HK1: variants seen among roughly 807,000 people sequenced by gnomAD.
HK1 encodes hexokinase-1.
HK1 carries 28 observed loss-of-function variants against 91.6 expected under a neutral mutation model. The observed-to-expected ratio is 0.31, with a 90% CI of 0.23 to 0.42. The LOEUF is 0.42. HK1 is among the 10% of genes least tolerant of loss of function. The pLI, the probability that HK1 is intolerant of heterozygous loss-of-function variation, is 1.00. For synonymous variants in HK1, 430 were observed against 468.1 expected (o/e 0.92, Z 1.05); for missense variants, 770 against 1,219.8 (o/e 0.63, Z 5.49).
upstream of HK1, among the ~76,000 whole-genome samples, chr10:69,312,387 C>T (rs150884464): frequency 4.6e-5 from 7 of 152,234 alleles, no homozygotes; most frequent in African/African-American, 1.7e-4. Context: ...CAGGCTTGCA[C>T]CACCACGCCC....
At chr10:69,348,304 T>G (rs923477770) in intron 2 of HK1, among the ~76,000 whole-genome samples, 10 of 151,824 alleles carry the variant, frequency 6.6e-5, no homozygotes, top group African/African-American at 2.4e-4. Context: ...GCCCTAAATA[T>G]TCATACTACT....
At chr10:69,350,437 C>T (rs1358994970) in intron 2 of HK1, among the ~76,000 whole-genome samples, 5 of 152,054 alleles carry the variant, frequency 3.3e-5, no homozygotes, top group African/African-American at 9.7e-5. Flanking sequence ...CCGAGGTGGG[C>T]GGATCACAAG....
At chr10:69,348,539 G>C (rs1848683956) in intron 2 of HK1, among the ~76,000 whole-genome samples, 2 of 152,188 alleles carry the variant, frequency 1.3e-5, no homozygotes, top group Admixed American at 1.3e-4. Flanking sequence ...GGCTGGGCAC[G>C]GTGGCTCATG....
At chr10:69,354,428 G>A (rs1215266700) in intron 2 of HK1, among the ~76,000 whole-genome samples, 1 of 152,176 alleles carries the variant, frequency 6.6e-6, no homozygotes, top group Non-Finnish European at 1.5e-5. Context: ...TCCTCACAAA[G>A]CGGCAGGAAG....
At position 69,369,532 on chromosome 10, in the gene HK1, G is replaced by A; in HGVS notation, c.783G>A (p.Trp261Ter). ...DEGRMCINTEWGAFGDDGSLE... is the reference protein window; with the variant it reads ...DEGRMCINTE ...GGAGGATGTGTATCAATACAGAATG[G>A]GGAGCCTTTGGAGACGATGGATCAT... Residue 261 changes from tryptophan (W) to a stop codon, truncating the protein, a stop_gained, in exon 7 of 18, where the codon TGG (tryptophan) becomes TGA (stop). Coordinates refer to ENST00000359426, the MANE Select transcript of HK1 (RefSeq NM_000188.3). LOFTEE classifies it high-confidence loss of function. This position sits in a 1 kb window ranked among gnomAD's most constrained non-coding sequence, Gnocchi z 4.4. The A allele has an allele frequency of 6.2e-7, 1 of 1,614,178 alleles. No individual in the cohort carries two copies. The highest frequency in any genetic ancestry group is 8.5e-7 in the Non-Finnish European group (1 of 1,180,032).
chr10:69,399,354 T>A (rs955995172), intron 17 of HK1, among the ~76,000 whole-genome samples: 2 of 151,932 alleles, frequency 1.3e-5, no homozygotes, highest in Admixed American at 6.6e-5. Flanking sequence ...TACAAAAAAA[T>A]TTTGAAAATT....
chr10:69,374,563 A>G (rs74138367), intron 7 of HK1, among the ~76,000 whole-genome samples: 33,389 of 152,218 alleles, frequency 0.22, 3,875 homozygotes, highest in Non-Finnish European at 0.24. Flanking sequence ...GATGGGAAGC[A>G]CGCTGTTGGA....
chr10:69,281,184 G>A (rs1844726929), intron 1 of HK1, among the ~76,000 whole-genome samples: 1 of 152,148 alleles, frequency 6.6e-6, no homozygotes. Context: ...CACCAGGAGG[G>A]CTTGTTAAAA....
At chr10:69,272,051 A>T (rs1467900109) in intron 1 of HK1, among the ~76,000 whole-genome samples, 1 of 151,952 alleles carries the variant, frequency 6.6e-6, no homozygotes, top group Non-Finnish European at 1.5e-5. Flanking sequence ...TTTGGTAGAG[A>T]CGGGGTTTTG....
intron 7 of HK1, among the ~76,000 whole-genome samples, chr10:69,371,846 T>C (rs987626709): frequency 7.9e-5 from 12 of 152,148 alleles, no homozygotes; most frequent in African/African-American, 2.7e-4. Flanking sequence ...TGGCTGATGA[T>C]GGATGAGAGA....
At chr10:69,297,423 G>A (rs929009078) in intron 4 of HK1, among the ~76,000 whole-genome samples, 8 of 152,162 alleles carry the variant, frequency 5.3e-5, no homozygotes, top group African/African-American at 1.9e-4. Context: ...GTGCAAACCG[G>A]TGTTGTTCGA....
chr10:69,382,614 G>A lies in HK1; in HGVS notation c.1393G>A (p.Glu465Lys), dbSNP rs780576140. 1.4e-5 allele frequency: 23 copies of A among 1,614,070 alleles called. No homozygotes were observed. The highest frequency in any genetic ancestry group is 3.3e-5 in the South Asian group (3 of 91,084). ...GACGGCGGTGGCCTACCGCTTGGCCGAGCAGCACCGGCAGATAGAGGAGAC... is the reference window on the plus strand; with the variant it reads ...GACGGCGGTGGCCTACCGCTTGGCCAAGCAGCACCGGCAGATAGAGGAGAC... ...MVTAVAYRLAEQHRQIEETLA... is the reference protein window; with the variant it reads ...MVTAVAYRLAKQHRQIEETLA... Residue 465 changes from glutamate to lysine, a missense_variant, in exon 10 of 18, where the codon GAG (glutamate) becomes AAG (lysine). By Grantham distance (56) the Glu-to-Lys change is moderately conservative. This residue lies in a region of HK1 where 449 missense variants were observed against 665.1 expected (regional missense o/e 0.68). Transcript: ENST00000359426.
chr10:69,344,767 C>G (rs149401919), intron 2 of HK1, among the ~76,000 whole-genome samples: 1 of 152,136 alleles, frequency 6.6e-6, no homozygotes, highest in South Asian at 2.1e-4. Context: ...CCGGCAGACC[C>G]GCAGTTACTA....
chr10:69,398,893 A>G (rs1840262761), intron 17 of HK1, 65 bp downstream of exon 17: 7 of 1,308,420 alleles, frequency 5.3e-6, no homozygotes, highest in Non-Finnish European at 7.6e-6. Context: ...AGGGGGTATC[A>G]GGGTGTGGTT....
At chr10:69,275,882 G>A (rs1308103662) in intron 1 of HK1, among the ~76,000 whole-genome samples, 1 of 151,300 alleles carries the variant, frequency 6.6e-6, no homozygotes, top group Non-Finnish European at 1.5e-5. Context: ...CTGAGGTCAG[G>A]AGTTGAGACC....
chr10:69,316,060 T>G (rs1190393351), upstream of HK1: 1 of 1,459,786 alleles, frequency 6.9e-7, no homozygotes, highest in Non-Finnish European at 9.6e-7. Context: ...GGGCCTTAGA[T>G]GAGAGGGGAT....
intron 1 of HK1, among the ~76,000 whole-genome samples, chr10:69,327,703 T>TG (rs542933075): frequency 1.6e-3 from 238 of 152,366 alleles, no homozygotes; most frequent in Non-Finnish European, 2.4e-3. Flanking sequence ...ATGTGCAGGT[T>TG]GCCTTTGTTC....
chr10:69,314,099 C>A (rs1193697821), upstream of HK1, among the ~76,000 whole-genome samples: 1 of 152,206 alleles, frequency 6.6e-6, no homozygotes, highest in Non-Finnish European at 1.5e-5. Context: ...GTAACCTTCA[C>A]CCCACTGAGC....
At chr10:69,293,818 T>C (rs1845407348) in intron 3 of HK1, among the ~76,000 whole-genome samples, 1 of 150,818 alleles carries the variant, frequency 6.6e-6, no homozygotes, top group Non-Finnish European at 1.5e-5. Context: ...AAGAGCAGCA[T>C]GGGAAGTCAA....
Sources: allele counts gnomAD v4.1 joint callset (sites outside exome capture counted in the v4.1 genomes callset), GRCh38; gene constraint gnomAD v4.1.1; regional missense constraint gnomAD v4.1.1; non-coding constraint Gnocchi (gnomAD v3.1); transcripts MANE v1.5; gene names NCBI Gene and HGNC (gene_info 2026-07-23, HGNC 2026-07-21).